The following ZMIZ2 variants were observed in gnomAD, a reference collection of about 807,000 sequenced individuals.
ZMIZ2 encodes the protein zinc finger MIZ-type containing 2.
In ZMIZ2, 26 loss-of-function variants were observed where a neutral mutation model predicts 93.9. The ratio of observed to expected loss-of-function variants is 0.28; its 90% CI spans 0.20 to 0.38. The LOEUF (loss-of-function observed/expected upper bound fraction) is 0.38. Among genes scored for constraint, ZMIZ2 ranks in the 10% least tolerant of loss-of-function variants. The pLI is 1.00. For missense variants in ZMIZ2, 1,023 were observed against 1,235.0 expected, an observed-to-expected ratio of 0.83 and a Z score of 2.57; for synonymous variants, 485 against 516.4, an observed-to-expected ratio of 0.94 and a Z score of 0.82.
chr7:44,758,221 T>G, intron 6 of ZMIZ2, 113 bp downstream of exon 6: 3 of 1,352,776 alleles, frequency 2.2e-6, no homozygotes, highest in Non-Finnish European at 2.9e-6. Context: ...GGCTCACGCC[T>G]GTAGTCCCTG....
Position 44,766,079 on chromosome 7 carries a change from AT to A in ZMIZ2, c.2243-84del. ...TGGGTGAGCACTGCAAGTCCCACCC[AT>A]GCCACAGCCAGCCTCCCTCCTGGCT... On this transcript the variant is annotated intron_variant, in intron 16 of 18. Transcript: ENST00000309315. This position sits in a 1 kb window ranked among gnomAD's most constrained non-coding sequence, Gnocchi z 4.4. 6.7e-7 allele frequency: 1 copy of A among 1,500,996 alleles called. No homozygotes were observed. Among genetic ancestry groups the A allele is most frequent in the Non-Finnish European group, 8.8e-7 (1 of 1,131,506 alleles). 93.0% of individuals were successfully genotyped at this position (1,500,996 alleles called of 1,614,324 possible). A position where few individuals can be genotyped will look rare whatever the true frequency, so the allele number is the denominator to read the frequency against.
At position 44,769,614 on chromosome 7, in the gene ZMIZ2, C is replaced by T. The variant is rs1244866099; in HGVS notation, c.*1991C>T. On this transcript the variant is annotated 3_prime_UTR_variant, in exon 19 of 19. Transcript: ENST00000309315. ...CCCTCCTTTCTTGGGTGTCAAATGA[C>T]TGTGTCCTGGACATCTGATGCACCA... 2 of 152,710 alleles carry T rather than the reference C, an allele frequency of 1.3e-5. No individual in the cohort carries two copies. The highest frequency in any genetic ancestry group is 6.5e-5 in the Admixed American group (1 of 15,284). 9.5% of individuals were successfully genotyped at this position (152,710 alleles called of 1,614,324 possible).
At chr7:44,753,658 G>A (rs1434704018) in intron 1 of ZMIZ2, among the ~76,000 whole-genome samples, 2 of 152,196 alleles carry the variant, frequency 1.3e-5, no homozygotes, top group East Asian at 3.9e-4. Context: ...CTTTCCCGAA[G>A]GAAAAATTTT....
intron 11 of ZMIZ2, among the ~76,000 whole-genome samples, chr7:44,762,592 C>A (rs953985641): frequency 3.3e-5 from 5 of 152,218 alleles, no homozygotes; most frequent in African/African-American, 9.6e-5. Flanking sequence ...TGATTCTCTT[C>A]ATGGAGAAGT....
rs186038289 is a variant in ZMIZ2 at position 44,752,644 on chromosome 7, C to T, written c.-62-3544C>T. Among the ~76,000 whole-genome samples, 12 of 152,228 alleles carry T rather than the reference C, an allele frequency of 7.9e-5. No homozygotes were observed. The East Asian group carries it at 2.1e-3, about 27-fold the overall frequency. On this transcript the variant is annotated intron_variant, in intron 1 of 18. Transcript: ENST00000309315. ...GCCTCTTGGGATTGGCTTTTTCCACCGAGCATTAATTCTCTGGAGATTCAT... is the reference window on the plus strand; with the variant it reads ...GCCTCTTGGGATTGGCTTTTTCCACTGAGCATTAATTCTCTGGAGATTCAT...
rs185359079 is a variant in ZMIZ2, at chr7:44,764,793, C to T, written c.1929-148C>T. ...CTTGTACTGTCACCTCACATAGGGTCAGCTCACACAGAGTTACCTTGTTCA... is the reference window on the plus strand; with the variant it reads ...CTTGTACTGTCACCTCACATAGGGTTAGCTCACACAGAGTTACCTTGTTCA... On this transcript the variant is annotated intron_variant, in intron 14 of 18. Transcript: ENST00000309315. The T allele has an allele frequency of 4.6e-5, 36 of 780,668 alleles. No individual in the cohort carries two copies. In the East Asian group the frequency reaches 9.4e-4, roughly 20 times the overall value. The allele number at this position is 780,668 out of a possible 1,614,324, so 48.4% of individuals were successfully genotyped here.
In ZMIZ2 at chr7:44,757,387, C is replaced by A; in HGVS notation, c.378C>A (p.Gly126=). 6.3e-7 allele frequency: 1 copy of A among 1,599,868 alleles called. No individual in the cohort carries two copies. Among genetic ancestry groups the A allele is most frequent in the Non-Finnish European group, 8.5e-7 (1 of 1,178,848 alleles). ...GAPGFTTGYA[G]GPGGLGLPSH... ...CCTGTGTCTCCTGCAGGTATGCAGG[C>A]GGCCCGGGGGGCCTGGGCCTCCCCT... Residue 126 remains glycine, a synonymous_variant, in exon 5 of 19, where the codon GGC becomes GGA. Transcript: ENST00000309315.
At chr7:44,756,691 G>A (rs1790625282) in intron 3 of ZMIZ2, 152 bp downstream of exon 3, 5 of 831,344 alleles carry the variant, frequency 6.0e-6, no homozygotes, top group Non-Finnish European at 9.4e-6. Context: ...GGCCTCCTGA[G>A]TCCCCTAAGT....
chr7:44,760,126 G>A (rs749658203), intron 7 of ZMIZ2, 25 bp from the exon 8 acceptor site: 1 of 1,613,832 alleles, frequency 6.2e-7, no homozygotes, highest in Non-Finnish European at 8.5e-7. Flanking sequence ...GGAGCCCCAG[G>A]TGCATGCAGT....
intron 6 of ZMIZ2, 37 bp from the exon 7 acceptor site, chr7:44,759,244 C>G: frequency 6.8e-7 from 1 of 1,460,632 alleles, no homozygotes; most frequent in Non-Finnish European, 9.1e-7. Flanking sequence ...CCCCTGATGC[C>G]TTTTTTCTCC....
At position 44,752,276 on chromosome 7, in the gene ZMIZ2, C is replaced by T. The variant is rs143913168; in HGVS notation, c.-63+3285C>T. 6.2e-3 allele frequency among the ~76,000 whole-genome samples: 941 copies of T among 152,082 alleles called. 4 individuals carry two copies. The highest frequency in any genetic ancestry group is 0.021 in the African/African-American group (887 of 41,504). ...CTGAGTAGCTGGGATTACAGGCGCC[C>T]ACCACTACGCCCGGTTAGTTTTTGC... On this transcript the variant is annotated intron_variant, in intron 1 of 18. Transcript: ENST00000309315.
Position 44,756,203 on chromosome 7 carries a change from T to G in ZMIZ2, c.-47T>G. The G allele has an allele frequency of 6.2e-7, 1 of 1,613,734 alleles. No individual in the cohort carries two copies. The highest frequency in any genetic ancestry group is 1.1e-5 in the South Asian group (1 of 91,072). On this transcript the variant is annotated 5_prime_UTR_variant, in exon 2 of 19. Transcript: ENST00000309315. ...TGTCGGGCAGCCAGAGCAGCTGAGT[T>G]CCAGATAAAAACTGTCAGACCCGGC...
At chr7:44,754,176 C>T (rs1790395029) in intron 1 of ZMIZ2, among the ~76,000 whole-genome samples, 1 of 152,248 alleles carries the variant, frequency 6.6e-6, no homozygotes, top group East Asian at 1.9e-4. Context: ...TGTCCCCCAA[C>T]ATCACTATTC....
Position 44,763,559 on chromosome 7 carries a change from C to A in ZMIZ2, c.1860+146C>A. The A allele has an allele frequency of 8.5e-7, 1 of 1,169,740 alleles. No homozygotes were observed. The highest frequency in any genetic ancestry group is 1.2e-6 in the Non-Finnish European group (1 of 845,882). 72.5% of individuals were successfully genotyped at this position (1,169,740 alleles called of 1,614,324 possible). ...GGACAGGCCTCCCACGCCAAGGAGGCAGGTGGGCCTGGCTCCCCCAAGACT... is the reference window on the plus strand; with the variant it reads ...GGACAGGCCTCCCACGCCAAGGAGGAAGGTGGGCCTGGCTCCCCCAAGACT... On this transcript the variant is annotated intron_variant, in intron 13 of 18. Coordinates refer to ENST00000309315, the MANE Select transcript of ZMIZ2 (RefSeq NM_031449.4). This position sits in a 1 kb window ranked among gnomAD's most constrained non-coding sequence, Gnocchi z 5.6.
At chr7:44,767,450 A>T (rs1562753088) in intron 18 of ZMIZ2, 66 bp from the exon 19 acceptor site, 1 of 1,307,832 alleles carries the variant, frequency 7.6e-7, no homozygotes, top group Non-Finnish European at 1.1e-6. Flanking sequence ...ATGTGGTGAC[A>T]GGATGGTCAC....
In ZMIZ2 at chr7:44,762,800, C is replaced by T. The variant is rs1440435823; in HGVS notation, c.1597-81C>T. 3.7e-6 allele frequency: 4 copies of T among 1,086,490 alleles called. No homozygotes were observed. In the African/African-American group the frequency reaches 5.0e-5, roughly 14 times the overall value. The allele number at this position is 1,086,490 out of a possible 1,614,324, so 67.3% of individuals were successfully genotyped here. A position where few individuals can be genotyped will look rare whatever the true frequency, so the allele number is the denominator to read the frequency against. ...CCCCCACCTGGCAGCCCCTGACACA[C>T]AACCCCCAGCACACCCTTTACCTGG... On this transcript the variant is annotated intron_variant, in intron 11 of 18. Transcript: ENST00000309315.
At chr7:44,757,246 G>C (rs1394875909) in intron 4 of ZMIZ2, 97 bp downstream of exon 4, 13 of 1,505,342 alleles carry the variant, frequency 8.6e-6, no homozygotes, top group Non-Finnish European at 1.1e-5. Flanking sequence ...TTCCCTCTCT[G>C]CTTCCTGACA....
In ZMIZ2 at chr7:44,765,246, C is replaced by T; in HGVS notation, c.1998-89C>T. The T allele has an allele frequency of 6.4e-7, 1 of 1,574,094 alleles. No homozygotes were observed. ...GCAAGCATTTGAGTGGGGGAACCTGCCTGGAAACAGCCCAGGGCTGGGAGG... is the reference window on the plus strand; with the variant it reads ...GCAAGCATTTGAGTGGGGGAACCTGTCTGGAAACAGCCCAGGGCTGGGAGG... On this transcript the variant is annotated intron_variant, in intron 15 of 18. Coordinates refer to ENST00000309315, the MANE Select transcript of ZMIZ2 (RefSeq NM_031449.4). The surrounding 1 kb of genome is among the most constrained non-coding windows in gnomAD (Gnocchi z 4.1).
chr7:44,756,222 A>G lies in ZMIZ2; in HGVS notation c.-28A>G. 1.9e-6 allele frequency: 3 copies of G among 1,613,844 alleles called. No individual in the cohort carries two copies. In the South Asian group the frequency reaches 3.3e-5, roughly 18 times the overall value. ...CTGAGTTCCAGATAAAAACTGTCAG[A>G]CCCGGCCTGTAGGCTGCTCCATTGC... is the stretch of plus-strand genomic sequence containing the variant. On this transcript the variant is annotated 5_prime_UTR_variant, in exon 2 of 19. Coordinates refer to ENST00000309315, the MANE Select transcript of ZMIZ2 (RefSeq NM_031449.4).
Sources: gnomAD v4.1 joint callset for allele counts (sites outside exome capture counted in the v4.1 genomes callset) on GRCh38, gnomAD v4.1.1 for gene constraint, Gnocchi (gnomAD v3.1) non-coding constraint, MANE v1.5 for transcripts, NCBI Gene and HGNC (gene_info 2026-07-23, HGNC 2026-07-21) for gene names.